The following DENND1A variants were observed in gnomAD, a reference collection of about 807,000 sequenced individuals.
The protein encoded by DENND1A is DENN domain containing 1A, also known as DENN domain-containing protein 1A.
In DENND1A, 51 loss-of-function variants were observed where a neutral mutation model predicts 113.7. That is an observed-to-expected ratio of 0.45 (90% CI 0.36 to 0.57). The LOEUF (loss-of-function observed/expected upper bound fraction) is 0.57, where lower values mean the gene tolerates loss of function less well. Among genes scored for constraint, DENND1A ranks in the 20% least tolerant of loss-of-function variants. DENND1A has a pLI of 0.00. For synonymous variants in DENND1A, 565 were observed against 570.8 expected (o/e 0.99, Z 0.14); for missense variants, 1,258 against 1,395.9 (o/e 0.90, Z 1.57).
At chr9:123,594,314 C>T (rs1471660302) in intron 11 of DENND1A, among the ~76,000 whole-genome samples, 1 of 152,170 alleles carries the variant, frequency 6.6e-6, no homozygotes, top group Non-Finnish European at 1.5e-5. Context: ...GTGTTTCTCC[C>T]ACAGCCCAAC....
At chr9:123,639,038 G>GAAAAAAAA (rs2061867433) in intron 9 of DENND1A, among the ~76,000 whole-genome samples, 1 of 10,850 alleles carries the variant, frequency 9.2e-5, no homozygotes, top group Non-Finnish European at 1.5e-4. Flanking sequence ...TGCATGAGTA[G>GAAAAAAAA]TAAAAAAAAA....
chr9:123,874,268 T>C (rs1186344607), intron 2 of DENND1A, among the ~76,000 whole-genome samples: 1 of 148,912 alleles, frequency 6.7e-6, no homozygotes, highest in Non-Finnish European at 1.5e-5. Context: ...AAAATATTGA[T>C]AAATTATACC....
In DENND1A at chr9:123,719,373, T is replaced by C. The variant is rs533031337; in HGVS notation, c.302+38330A>G. On this transcript the variant is annotated intron_variant, in intron 5 of 23. Transcript: ENST00000394215. ...GACACCTGAGACTATCCTCTCCCCATTGCATTATGGCTGCCACTGCCGTGG... is the reference window on the plus strand; with the variant it reads ...GACACCTGAGACTATCCTCTCCCCACTGCATTATGGCTGCCACTGCCGTGG... Among the ~76,000 whole-genome samples the C allele has an allele frequency of 1.6e-4, 25 of 152,278 alleles. No individual in the cohort carries two copies. In the East Asian group the frequency reaches 4.3e-3, roughly 26 times the overall value.
At chr9:123,564,830 G>C (rs947193630) in intron 12 of DENND1A, among the ~76,000 whole-genome samples, 1 of 152,100 alleles carries the variant, frequency 6.6e-6, no homozygotes, top group African/African-American at 2.4e-5. Context: ...TCATCCTTCA[G>C]GTCTCAGTTC....
chr9:123,591,558 T>C (rs2059456498), intron 11 of DENND1A, among the ~76,000 whole-genome samples: 2 of 152,160 alleles, frequency 1.3e-5, no homozygotes, highest in African/African-American at 4.8e-5. Flanking sequence ...GTGACATGCA[T>C]AGAGTAAACA....
Position 123,411,820 on chromosome 9 carries a change from G to C in DENND1A, c.1498C>G (p.Leu500Val), listed in dbSNP as rs1399690547. The C allele has an allele frequency of 3.0e-6, 3 of 985,814 alleles. No homozygotes were observed. The African/African-American group carries it at 5.2e-5, about 17-fold the overall frequency. 61.1% of individuals were successfully genotyped at this position (985,814 alleles called of 1,614,324 possible). A position where few individuals can be genotyped will look rare whatever the true frequency, so the allele number is the denominator to read the frequency against. Reference sequence around the variant, plus strand: ...TTGGGAGGCGGTCGGGTGGGACGCAGTCTCTGCAGCTGCATTAAAGTGGAA... The same window carrying C: ...TTGGGAGGCGGTCGGGTGGGACGCACTCTCTGCAGCTGCATTAAAGTGGAA... ...ITVHFGQLQR[L>V]RPTRPPPKIQ... The change falls in exon 20 of 24, where the codon CTG (leucine) becomes GTG (valine). Residue 500 changes from leucine to valine, a missense_variant. Leu to Val is a conservative substitution (Grantham distance 32). Transcript: ENST00000394215.
intron 11 of DENND1A, among the ~76,000 whole-genome samples, chr9:123,595,133 C>T (rs2059627139): frequency 6.6e-6 from 1 of 152,116 alleles, no homozygotes; most frequent in Admixed American, 6.5e-5. Flanking sequence ...TCAGAGGAGC[C>T]CTGAAAACAC....
At chr9:123,631,374 T>G (rs1453424365) in intron 9 of DENND1A, among the ~76,000 whole-genome samples, 3 of 152,252 alleles carry the variant, frequency 2.0e-5, no homozygotes, top group African/African-American at 7.2e-5. Flanking sequence ...CTATTCATAT[T>G]CTTAGCCCAC....
Position 123,381,484 on chromosome 9 carries a change from G to T in DENND1A, c.3161C>A (p.Pro1054Gln). 1.2e-6 allele frequency: 2 copies of T among 1,613,640 alleles called. No individual in the cohort carries two copies. The highest frequency in any genetic ancestry group is 2.2e-5 in the South Asian group (2 of 91,090). ...GAGCTGCTCCACCGAGTCTGGGGCC[G>T]GGGCCAGGGCCGGACTCGGGCTCAC... The part of the protein sequence containing the change: ...QDVSPSPALA[P>Q]APDSVEQLRK... Residue 1054 changes from proline to glutamine, a missense_variant, in exon 24 of 24, where the codon CCG becomes CAG. Transcript: ENST00000394215. The surrounding 1 kb of genome is among the most constrained non-coding windows in gnomAD (Gnocchi z 4.7).
At position 123,545,184 on chromosome 9, in the gene DENND1A, T is replaced by C. The variant is rs554640741; in HGVS notation, c.993+12386A>G. Reference sequence around the variant, plus strand: ...TATGTATCAGGTTCTGTGCCAAGGATACATGAGTAAACATGACATTCCACT... The same window carrying C: ...TATGTATCAGGTTCTGTGCCAAGGACACATGAGTAAACATGACATTCCACT... On this transcript the variant is annotated intron_variant, in intron 13 of 23. Coordinates refer to ENST00000394215, the MANE Select transcript of DENND1A (RefSeq NM_001352964.2). 3.3e-5 allele frequency among the ~76,000 whole-genome samples: 5 copies of C among 152,228 alleles called. No individual in the cohort carries two copies. The South Asian group carries it at 1.0e-3, about 32-fold the overall frequency.
intron 19 of DENND1A, among the ~76,000 whole-genome samples, chr9:123,421,956 C>T (rs555887411): frequency 9.2e-5 from 14 of 152,294 alleles, no homozygotes; most frequent in African/African-American, 2.4e-4. Flanking sequence ...CCCTTCACAA[C>T]ACACATGCTG....
chr9:123,789,576 G>A (rs1304797859), intron 3 of DENND1A, among the ~76,000 whole-genome samples: 1 of 152,072 alleles, frequency 6.6e-6, no homozygotes, highest in African/African-American at 2.4e-5. Context: ...AATTAAGACA[G>A]AGAAGATCAA....
chr9:123,416,517 T>G (rs771602197), intron 19 of DENND1A, among the ~76,000 whole-genome samples: 1 of 152,214 alleles, frequency 6.6e-6, no homozygotes, highest in Non-Finnish European at 1.5e-5. Context: ...ATTGAGGTCA[T>G]GTTATATGTG....
At chr9:123,604,940 T>C (rs151025772) in intron 11 of DENND1A, among the ~76,000 whole-genome samples, 1 of 152,302 alleles carries the variant, frequency 6.6e-6, no homozygotes, top group East Asian at 1.9e-4. Context: ...GTGCAGGAAC[T>C]GTGCTGGGCA....
rs750371036 is a variant in DENND1A at position 123,457,409 on chromosome 9, G to T, written c.1125C>A (p.Leu375=). The change falls in exon 15 of 24, where the codon CTC becomes CTA. Residue 375 remains leucine, a synonymous_variant. Transcript: ENST00000394215. ...KQFIDGRLDL[L]NSGEGFSDVF... The stretch of plus-strand genomic sequence containing the variant: ...CATCACTGAAACCTTCGCCGGAATT[G>T]AGAAGATCTAATCGACCATCAATAA... The T allele has an allele frequency of 1.2e-6, 2 of 1,613,990 alleles. No individual in the cohort carries two copies. Among genetic ancestry groups the T allele is most frequent in the South Asian group, 2.2e-5 (2 of 91,040 alleles).
intron 2 of DENND1A, chr9:123,843,072 C>G: frequency 1.9e-6 from 1 of 531,644 alleles, no homozygotes; most frequent in Non-Finnish European, 3.8e-6. Context: ...ACTTTATACC[C>G]ATATTTTATG....
intron 5 of DENND1A, among the ~76,000 whole-genome samples, chr9:123,684,686 G>A (rs1283334048): frequency 6.6e-6 from 1 of 152,162 alleles, no homozygotes; most frequent in African/African-American, 2.4e-5. Context: ...AAACTGAGAC[G>A]TTTCCAGTCC....
intron 1 of DENND1A, among the ~76,000 whole-genome samples, chr9:123,921,089 A>C (rs1175220765): frequency 6.6e-6 from 1 of 152,190 alleles, no homozygotes; most frequent in Non-Finnish European, 1.5e-5. Flanking sequence ...GTTTTTAAAA[A>C]CAAAACCAAA....
At chr9:123,615,026 GAC>G (rs2137942000) in intron 10 of DENND1A, among the ~76,000 whole-genome samples, 1 of 152,344 alleles carries the variant, frequency 6.6e-6, no homozygotes, top group South Asian at 2.1e-4. Context: ...AAAAAGAACA[GAC>G]ACCAGAGAAC....
Sources: allele counts gnomAD v4.1 joint callset (sites outside exome capture counted in the v4.1 genomes callset), GRCh38; gene constraint gnomAD v4.1.1; non-coding constraint Gnocchi (gnomAD v3.1); transcripts MANE v1.5; gene names NCBI Gene and HGNC (gene_info 2026-07-23, HGNC 2026-07-21).